Variants in CDH5 observed in about 807,000 individuals in gnomAD.
The protein encoded by CDH5 is cadherin 5.
A neutral mutation model predicts 62.0 loss-of-function variants in CDH5; 28 were observed. The observed-to-expected ratio is 0.45, with a 90% CI of 0.33 to 0.62. CDH5 has a LOEUF of 0.62. Ranked by LOEUF, CDH5 falls within the 20% of genes least tolerant of loss-of-function variation. The probability of loss-of-function intolerance (pLI) is 0.02; values close to 1 mark genes in which losing one functional copy is unlikely to be tolerated. For missense variants in CDH5, 940 were observed against 1,065.1 expected (o/e 0.88, Z 1.63); for synonymous variants, 464 against 445.8 (o/e 1.04, Z -0.52).
At chr16:66,384,611 G>A (rs1249260525) in intron 2 of CDH5, among the ~76,000 whole-genome samples, 3 of 144,958 alleles carry the variant, frequency 2.1e-5, no homozygotes, top group Non-Finnish European at 4.5e-5. Flanking sequence ...AAAATTAGCC[G>A]AGCTTGGTGG....
rs372883660 is a variant in CDH5 at position 66,401,035 on chromosome 16, G to C, written c.1837+19G>C. On this transcript the variant is annotated intron_variant, in intron 11 of 11. Coordinates refer to ENST00000341529, the MANE Select transcript of CDH5 (RefSeq NM_001795.5). ...ATCACAGGTCAGTGCTGGGCAGGGT[G>C]GGGAGAAGACACAGTGGGTGGAAGG... 1.9e-6 allele frequency: 3 copies of C among 1,613,412 alleles called. No homozygotes were observed. Among genetic ancestry groups the C allele is most frequent in the Non-Finnish European group, 8.5e-7 (1 of 1,180,036 alleles).
At chr16:66,389,628 T>A (rs907408663) in intron 5 of CDH5, 106 bp downstream of exon 5, 2 of 1,004,120 alleles carry the variant, frequency 2.0e-6, no homozygotes, top group African/African-American at 3.3e-5. Flanking sequence ...TCTCCCTCTA[T>A]CCCAGGGTAG....
intron 2 of CDH5, among the ~76,000 whole-genome samples, chr16:66,382,772 A>T (rs1322897877): frequency 6.6e-6 from 1 of 152,154 alleles, no homozygotes; most frequent in Non-Finnish European, 1.5e-5. Context: ...AGACAAGGAC[A>T]GGGCTCCAAG....
intron 3 of CDH5, among the ~76,000 whole-genome samples, chr16:66,387,583 C>A (rs1199138554): frequency 6.6e-6 from 1 of 152,234 alleles, no homozygotes; most frequent in African/African-American, 2.4e-5. Context: ...AGACTGTGCC[C>A]TGATTTTGAT....
chr16:66,381,624 C>A (rs1960900076), intron 2 of CDH5, among the ~76,000 whole-genome samples: 1 of 152,184 alleles, frequency 6.6e-6, no homozygotes, highest in Non-Finnish European at 1.5e-5. Context: ...AAGGAAGGAC[C>A]ATTCCAAGCA....
Position 66,404,205 on chromosome 16 carries a change from G to A in CDH5, c.*1036G>A, listed in dbSNP as rs140666675. On this transcript the variant is annotated 3_prime_UTR_variant, in exon 12 of 12. Coordinates refer to ENST00000341529, the MANE Select transcript of CDH5 (RefSeq NM_001795.5). Reference sequence around the variant, plus strand: ...TGTCCAAACCCACTCATGACTGCATGACGGAGCCGAGCCATGTGTCTTTAC... The same window carrying A: ...TGTCCAAACCCACTCATGACTGCATAACGGAGCCGAGCCATGTGTCTTTAC... 583 of 152,858 alleles carry A rather than the reference G, an allele frequency of 3.8e-3. 2 individuals are homozygous for A. The highest frequency in any genetic ancestry group is 6.1e-3 in the Non-Finnish European group (413 of 68,100). The allele number at this position is 152,858 out of a possible 1,614,324, so 9.5% of individuals were successfully genotyped here.
Position 66,402,736 on chromosome 16 carries a change from A to G in CDH5, c.1922A>G (p.Gln641Arg), listed in dbSNP as rs751932531. 2 of 1,610,054 alleles carry G rather than the reference A, an allele frequency of 1.2e-6. No homozygotes were observed. Among genetic ancestry groups the G allele is most frequent in the Non-Finnish European group, 1.7e-6 (2 of 1,179,080 alleles). ...HGKSVPEIHE[Q>R]LVTYDEEGGG... ...AAGAGCGTGCCGGAGATCCACGAGC[A>G]GCTGGTCACCTACGACGAGGAGGGC... The change falls in exon 12 of 12, where the codon CAG (glutamine) becomes CGG (arginine). Residue 641 changes from glutamine (Q) to arginine (R), a missense_variant. Gln to Arg is a conservative substitution (Grantham distance 43). Transcript: ENST00000341529.
Position 66,395,183 on chromosome 16 carries a change from C to T in CDH5, c.1218-876C>T, listed in dbSNP as rs554286581. On this transcript the variant is annotated intron_variant, in intron 7 of 11. Transcript: ENST00000341529. ...CAAATTACAGATGTGAGCCACCATG[C>T]CCAACCTTGCCTTCTAATAACACCT... 4.0e-5 allele frequency among the ~76,000 whole-genome samples: 6 copies of T among 150,868 alleles called. No homozygotes were observed. The South Asian group carries it at 1.3e-3, about 32-fold the overall frequency.
At chr16:66,382,402 C>A (rs989898105) in intron 2 of CDH5, among the ~76,000 whole-genome samples, 3 of 152,132 alleles carry the variant, frequency 2.0e-5, no homozygotes, top group Admixed American at 1.3e-4. Flanking sequence ...GACAGAGCCC[C>A]AGGAGAATGC....
At chr16:66,379,574 A>C in intron 2 of CDH5, 27 bp downstream of exon 2, 1 of 1,605,108 alleles carries the variant, frequency 6.2e-7, no homozygotes, top group South Asian at 1.1e-5. Context: ...AGGACAGGAG[A>C]AGCCATCAGC....
In CDH5 at chr16:66,403,965, C is replaced by G. The variant is rs2142349919; in HGVS notation, c.*796C>G. 1 of 152,916 alleles carries G rather than the reference C, an allele frequency of 6.5e-6. No individual in the cohort carries two copies. The highest frequency in any genetic ancestry group is 1.5e-5 in the Non-Finnish European group (1 of 68,162). 9.5% of individuals were successfully genotyped at this position (152,916 alleles called of 1,614,324 possible). ...AGGGCCACCTCCACACCCACCCCCT[C>G]TGGAGAAGGCCTGGAAGAGCTGAGA... On this transcript the variant is annotated 3_prime_UTR_variant, in exon 12 of 12. Transcript: ENST00000341529. This position sits in a 1 kb window ranked among gnomAD's most constrained non-coding sequence, Gnocchi z 4.3.
intron 1 of CDH5, among the ~76,000 whole-genome samples, chr16:66,373,156 C>T (rs1217434902): frequency 6.6e-6 from 1 of 152,274 alleles, no homozygotes; most frequent in Middle Eastern, 3.4e-3. Flanking sequence ...CCCAAATCTA[C>T]CTGGCAACAG....
chr16:66,379,286 G>C (rs1196900629), intron 1 of CDH5, 33 bp from the exon 2 acceptor site: 1 of 1,496,808 alleles, frequency 6.7e-7, no homozygotes, highest in Non-Finnish European at 9.2e-7. Context: ...ATCGTCACTG[G>C]CCAGAGTCTG....
At position 66,392,785 on chromosome 16, in the gene CDH5, T is replaced by C. The variant is rs992045918; in HGVS notation, c.1217+402T>C. On this transcript the variant is annotated intron_variant, in intron 7 of 11. Coordinates refer to ENST00000341529, the MANE Select transcript of CDH5 (RefSeq NM_001795.5). ...AAACCACAAAAGTAAGAAGTGTTCA[T>C]TTTATACAGTGAAACAACACAGAGA... 3 of 197,426 alleles carry C rather than the reference T, an allele frequency of 1.5e-5. No homozygotes were observed. The East Asian group carries it at 3.5e-4, about 23-fold the overall frequency. 12.2% of individuals were successfully genotyped at this position (197,426 alleles called of 1,614,324 possible). A position where few individuals can be genotyped will look rare whatever the true frequency, so the allele number is the denominator to read the frequency against.
chr16:66,397,839 C>T lies in CDH5; in HGVS notation c.1361-143C>T, dbSNP rs985529147. ...CTCCCCCCACCAAACTCCTTTTATCCAGAACACCATCCTGGGCCTCTGTTC... is the reference window on the plus strand; with the variant it reads ...CTCCCCCCACCAAACTCCTTTTATCTAGAACACCATCCTGGGCCTCTGTTC... On this transcript the variant is annotated intron_variant, in intron 8 of 11. Coordinates refer to ENST00000341529, the MANE Select transcript of CDH5 (RefSeq NM_001795.5). The T allele has an allele frequency of 2.2e-5, 18 of 833,930 alleles. No individual in the cohort carries two copies. In the African/African-American group the frequency reaches 2.6e-4, roughly 12 times the overall value. The allele number at this position is 833,930 out of a possible 1,614,324, so 51.7% of individuals were successfully genotyped here. A position where few individuals can be genotyped will look rare whatever the true frequency, so the allele number is the denominator to read the frequency against.
chr16:66,386,738 C>CACAT (rs1960989908), intron 2 of CDH5, 71 bp from the exon 3 acceptor site: 12 of 1,366,270 alleles, frequency 8.8e-6, no homozygotes, highest in Non-Finnish European at 9.1e-6. Context: ...TGTGTACACA[C>CACAT]ACTCTCACTC....
chr16:66,384,691 C>T (rs1387651287), intron 2 of CDH5, among the ~76,000 whole-genome samples: 9 of 137,370 alleles, frequency 6.6e-5, no homozygotes, highest in Admixed American at 3.7e-4. Flanking sequence ...AGAGGCTGGG[C>T]GTGGTGGCTC....
chr16:66,388,724 C>T (rs1424473973), intron 4 of CDH5, among the ~76,000 whole-genome samples: 7 of 152,186 alleles, frequency 4.6e-5, no homozygotes, highest in African/African-American at 2.4e-5. Flanking sequence ...GGTGGCTAGC[C>T]GCTCTGGGTG....
intron 6 of CDH5, among the ~76,000 whole-genome samples, chr16:66,391,273 C>T (rs11640843): frequency 0.27 from 40,316 of 151,910 alleles, 5,990 homozygotes; most frequent in South Asian, 0.35. Flanking sequence ...AAGGTCTCAG[C>T]GAATGGGGAA....
Sources: allele counts gnomAD v4.1 joint callset (sites outside exome capture counted in the v4.1 genomes callset), GRCh38; gene constraint gnomAD v4.1.1; non-coding constraint Gnocchi (gnomAD v3.1); transcripts MANE v1.5; gene names NCBI Gene and HGNC (gene_info 2026-07-23, HGNC 2026-07-21).